The following RGS22 variants were observed in gnomAD, a reference collection of about 807,000 sequenced individuals.
RGS22 encodes regulator of G protein signaling 22.
In RGS22, 148 loss-of-function variants were observed where a neutral mutation model predicts 172.9. The ratio of observed to expected loss-of-function variants is 0.86; its 90% CI spans 0.75 to 0.98. The LOEUF is 0.98. Among genes scored for constraint, RGS22 ranks in the 50% least tolerant of loss-of-function variants. The pLI is 0.00. For synonymous variants in RGS22, 458 were observed against 480.2 expected (o/e 0.95, Z 0.60); for missense variants, 1,347 against 1,440.8 (o/e 0.93, Z 1.05).
At chr8:100,052,080 T>C (rs1384183601) in intron 10 of RGS22, among the ~76,000 whole-genome samples, 38 of 96,956 alleles carry the variant, frequency 3.9e-4, no homozygotes, top group Admixed American at 9.2e-4. Context: ...TATAAATGTT[T>C]ATATATATTT....
intron 27 of RGS22, 56 bp from the exon 28 acceptor site, chr8:99,961,252 C>A: frequency 2.3e-6 from 1 of 434,006 alleles, no homozygotes. Flanking sequence ...AATATAAATA[C>A]AAATATAAAT....
intron 9 of RGS22, among the ~76,000 whole-genome samples, chr8:100,056,616 G>T (rs1443263454): frequency 6.6e-6 from 1 of 152,146 alleles, no homozygotes; most frequent in East Asian, 1.9e-4. Flanking sequence ...CACAGCTTGG[G>T]CCATGGCTTC....
chr8:99,967,683 T>A (rs1410921332), intron 23 of RGS22, among the ~76,000 whole-genome samples: 1 of 152,150 alleles, frequency 6.6e-6, no homozygotes, highest in Admixed American at 6.5e-5. Flanking sequence ...CCTCTCTAGA[T>A]TCCTCCTCAC....
intron 7 of RGS22, among the ~76,000 whole-genome samples, chr8:100,065,547 G>A (rs1432511165): frequency 6.6e-6 from 1 of 152,102 alleles, no homozygotes; most frequent in Non-Finnish European, 1.5e-5. Flanking sequence ...TTCTTCTTCT[G>A]AGTCCTCACA....
chr8:100,005,208 G>A (rs1815558061), intron 16 of RGS22, among the ~76,000 whole-genome samples: 1 of 151,870 alleles, frequency 6.6e-6, no homozygotes. Context: ...TTTCAGATAT[G>A]TACAAAGAAG....
intron 15 of RGS22, among the ~76,000 whole-genome samples, chr8:100,007,313 G>A (rs901686146): frequency 1.3e-5 from 2 of 152,078 alleles, no homozygotes; most frequent in African/African-American, 4.8e-5. Flanking sequence ...TAATATAAAC[G>A]TATACATAGA....
At position 99,987,588 on chromosome 8, in the gene RGS22, C is replaced by G; in HGVS notation, c.3050G>C (p.Cys1017Ser). The change falls in exon 21 of 28, where the codon TGT becomes TCT. Residue 1017 changes from cysteine to serine, a missense_variant. Transcript: ENST00000360863. The part of the protein sequence containing the change: ...PVESKWISSS[C>S]KIIAFRKALL... ...TGCTTTGCGAAAAGCAATGATTTTACAAGATGAAGAGATCCACTTACTCTC... is the reference window on the plus strand; with the variant it reads ...TGCTTTGCGAAAAGCAATGATTTTAGAAGATGAAGAGATCCACTTACTCTC... 1.2e-6 allele frequency: 2 copies of G among 1,608,742 alleles called. No homozygotes were observed. The highest frequency in any genetic ancestry group is 1.7e-6 in the Non-Finnish European group (2 of 1,177,652).
At chr8:100,100,775 A>G (rs1813410754) in intron 2 of RGS22, among the ~76,000 whole-genome samples, 1 of 152,216 alleles carries the variant, frequency 6.6e-6, no homozygotes, top group Non-Finnish European at 1.5e-5. Context: ...TGAACAGACT[A>G]AAAATTAGTT....
intron 6 of RGS22, among the ~76,000 whole-genome samples, chr8:100,070,039 A>C (rs1025605433): frequency 1.4e-4 from 21 of 150,146 alleles, no homozygotes; most frequent in Non-Finnish European, 2.4e-4. Flanking sequence ...AAAAAAAAAA[A>C]AAAAAAAAAC....
intron 2 of RGS22, among the ~76,000 whole-genome samples, chr8:100,098,719 T>TC (rs1813178482): frequency 1.3e-5 from 2 of 151,912 alleles, no homozygotes; most frequent in Admixed American, 1.3e-4. Flanking sequence ...CTTCTTCTCT[T>TC]CTATTCTCTT....
chr8:99,970,408 C>T (rs1030166631), intron 23 of RGS22, among the ~76,000 whole-genome samples: 3 of 152,044 alleles, frequency 2.0e-5, no homozygotes, highest in African/African-American at 7.2e-5. Flanking sequence ...GAGATACAGA[C>T]ATGAAAAACC....
At chr8:99,964,477 C>CAAA (rs34613354) in intron 24 of RGS22, among the ~76,000 whole-genome samples, 33 of 55,100 alleles carry the variant, frequency 6.0e-4, no homozygotes, top group African/African-American at 7.9e-4. Context: ...GACCCTGTCT[C>CAAA]AAAAAAAAAA....
chr8:100,075,540 A>T (rs1811287748), intron 4 of RGS22, among the ~76,000 whole-genome samples: 2 of 152,204 alleles, frequency 1.3e-5, no homozygotes, highest in South Asian at 4.1e-4. Context: ...CCTTTATAGC[A>T]ACACAAATGG....
chr8:99,977,917 C>G lies in RGS22; in HGVS notation c.3519G>C (p.Lys1173Asn). 2 of 1,561,358 alleles carry G rather than the reference C, an allele frequency of 1.3e-6. No homozygotes were observed. Among genetic ancestry groups the G allele is most frequent in the Non-Finnish European group, 1.7e-6 (2 of 1,163,148 alleles). ...AAACCCAAAATGAGTCTTGTCTCACCTTTCCAGATTTTTCGTCTTCTAGGA... is the reference window on the plus strand; with the variant it reads ...AAACCCAAAATGAGTCTTGTCTCACGTTTCCAGATTTTTCGTCTTCTAGGA... The part of the protein sequence containing the change: ...LAVLEDEKSG[K>N]DGIKQYANTS... Residue 1173 changes from lysine to asparagine, a missense_variant and splice_region_variant, in exon 23 of 28, where the codon AAG becomes AAC. Lys to Asn is a moderately conservative substitution (Grantham distance 94). Transcript: ENST00000360863.
chr8:100,019,064 G>T (rs1817323909), intron 14 of RGS22, among the ~76,000 whole-genome samples: 1 of 151,858 alleles, frequency 6.6e-6, no homozygotes, highest in Admixed American at 6.5e-5. Context: ...AAGGCTAAAT[G>T]ATGACAGCTA....
chr8:99,962,498 G>A (rs1189694102), intron 26 of RGS22, 55 bp from the exon 27 acceptor site: 6 of 1,559,398 alleles, frequency 3.8e-6, no homozygotes, highest in Non-Finnish European at 5.3e-6. Flanking sequence ...CTTAGCAGAG[G>A]AGAGGAACAG....
intron 20 of RGS22, among the ~76,000 whole-genome samples, chr8:99,989,905 TATAGATAG>T (rs112953671): frequency 1.4e-5 from 2 of 144,460 alleles, no homozygotes; most frequent in African/African-American, 5.1e-5. Flanking sequence ...GATAGATAGA[TATAGATAG>T]ATAGATAGAC....
At chr8:100,006,302 C>T (rs1815705452) in intron 15 of RGS22, among the ~76,000 whole-genome samples, 193 bp from the exon 16 acceptor site, 1 of 152,180 alleles carries the variant, frequency 6.6e-6, no homozygotes, top group Non-Finnish European at 1.5e-5. Context: ...GCATACATTT[C>T]TATGTAATGA....
At position 99,981,958 on chromosome 8, in the gene RGS22, T is replaced by C. The variant is rs1000409184; in HGVS notation, c.3339A>G (p.Pro1113=). The C allele has an allele frequency of 1.9e-6, 3 of 1,612,502 alleles. No homozygotes were observed. Among genetic ancestry groups the C allele is most frequent in the African/African-American group, 1.3e-5 (1 of 74,938 alleles). The change falls in exon 22 of 28, where the codon CCA becomes CCG. Residue 1113 remains proline (P), a synonymous_variant. Transcript: ENST00000360863. ...KIIEHRKELG[P]YVFREAQMTI... is the part of the protein sequence containing the mutation. ...TTACCTGTGCCTCTCTAAATACATA[T>C]GGTCCTAACTCCTTCCGGTGTTCAA...
Sources: allele counts gnomAD v4.1 joint callset (sites outside exome capture counted in the v4.1 genomes callset), GRCh38; gene constraint gnomAD v4.1.1; transcripts MANE v1.5; gene names NCBI Gene and HGNC (gene_info 2026-07-23, HGNC 2026-07-21).